PLA2G6: variants seen among roughly 807,000 people sequenced by gnomAD.
PLA2G6 encodes the protein phospholipase A2 group VI.
Under a neutral mutation model 83.8 loss-of-function variants are expected in PLA2G6, and 62 were observed. The observed-to-expected ratio is 0.74, with a 90% CI of 0.60 to 0.91. PLA2G6 has a LOEUF of 0.91. PLA2G6 is among the 40% of genes least tolerant of loss of function. The pLI is 0.00. For missense variants in PLA2G6, 944 were observed against 1,102.0 expected, an observed-to-expected ratio of 0.86 and a Z score of 2.03; for synonymous variants, 417 against 449.8, an observed-to-expected ratio of 0.93 and a Z score of 0.92.
chr22:38,115,613 A>C lies in PLA2G6; in HGVS notation c.1948T>G (p.Phe650Val). ...APTYFRPNGR[F>V]LDGGLLANNP... Reference sequence around the variant, plus strand: ...TTGGCCAGCAGCCCACCGTCCAGGAAGCGCCCATTGGGTCGGAAGTAAGTA... The same window carrying C: ...TTGGCCAGCAGCCCACCGTCCAGGACGCGCCCATTGGGTCGGAAGTAAGTA... Residue 650 changes from phenylalanine (F) to valine (V), a missense_variant, in exon 14 of 17, where the codon TTC (phenylalanine) becomes GTC (valine). Physicochemically the swap from Phe to Val is conservative, Grantham distance 50. Coordinates refer to ENST00000332509, the MANE Select transcript of PLA2G6 (RefSeq NM_003560.4). The C allele has an allele frequency of 6.2e-7, 1 of 1,611,792 alleles. No homozygotes were observed. Among genetic ancestry groups the C allele is most frequent in the Non-Finnish European group, 8.5e-7 (1 of 1,179,416 alleles).
At position 38,120,709 on chromosome 22, in the gene PLA2G6, A is replaced by G. The variant is rs932228283; in HGVS notation, c.1742+50T>C. The G allele has an allele frequency of 8.1e-6, 13 of 1,606,854 alleles. No homozygotes were observed. In the African/African-American group the frequency reaches 1.5e-4, roughly 18 times the overall value. On this transcript the variant is annotated intron_variant, in intron 12 of 16. Coordinates refer to ENST00000332509, the MANE Select transcript of PLA2G6 (RefSeq NM_003560.4). ...AGGGAGCCCTCTGTCCCCAGGGAAC[A>G]GCCACAGTGGGCACAGCTGCGGCCA...
Position 38,113,558 on chromosome 22 carries a change from GACGGAAGACATCCACAC to G in PLA2G6, c.2114_2130del (p.Cys705SerfsTer62). The G allele has an allele frequency of 6.2e-7, 1 of 1,614,032 alleles. No homozygotes were observed. Among genetic ancestry groups the G allele is most frequent in the Non-Finnish European group, 8.5e-7 (1 of 1,180,002 alleles). On this transcript the variant is annotated frameshift_variant, in exon 15 of 17. Coordinates refer to ENST00000332509, the MANE Select transcript of PLA2G6 (RefSeq NM_003560.4). LOFTEE classifies it high-confidence loss of function. ...TTGGCCAGCTCCCAGGGGTTGCTGG[GACGGAAGACATCCACAC>G]AGGTCACAGGCACTTGTGGGGACCT...
intron 9 of PLA2G6, chr22:38,127,194 C>A (rs1237302746): frequency 5.9e-6 from 7 of 1,185,860 alleles, no homozygotes; most frequent in Non-Finnish European, 7.5e-6. Context: ...AAAGCAGAAC[C>A]GAGGGCTGCG....
intron 2 of PLA2G6, 133 bp from the exon 3 acceptor site, chr22:38,145,786 C>A (rs1156523577): frequency 3.9e-4 from 63 of 159,920 alleles, no homozygotes; most frequent in Non-Finnish European, 6.4e-4. Flanking sequence ...CCCAAGCAAA[C>A]ACACACACAC....
chr22:38,170,152 C>T (rs1347707961), intron 1 of PLA2G6, among the ~76,000 whole-genome samples: 2 of 149,252 alleles, frequency 1.3e-5, no homozygotes, highest in Admixed American at 6.7e-5. Context: ...GAGCTGAGAT[C>T]GCGCCACTGC....
Position 38,132,958 on chromosome 22 carries a change from C to T in PLA2G6, c.950G>A (p.Gly317Glu), listed in dbSNP as rs780116189. Residue 317 changes from glycine to glutamate, a missense_variant, in exon 7 of 17, where the codon GGG becomes GAG. Gly to Glu is a moderately conservative substitution (Grantham distance 98). Coordinates refer to ENST00000332509, the MANE Select transcript of PLA2G6 (RefSeq NM_003560.4). This position sits in a 1 kb window ranked among gnomAD's most constrained non-coding sequence, Gnocchi z 5.0. ...GCNVNSTSSA[G>E]NTALHVAVMR... ...CACCGCCACGTGCAGGGCCGTGTTC[C>T]CCGCGGAGCTGGTGCTGTTCACGTT... is the stretch of plus-strand genomic sequence containing the variant. The T allele has an allele frequency of 1.3e-6, 2 of 1,564,140 alleles. No individual in the cohort carries two copies. The highest frequency in any genetic ancestry group is 1.7e-6 in the Non-Finnish European group (2 of 1,154,826).
At chr22:38,159,186 C>A (rs6001029) in intron 2 of PLA2G6, among the ~76,000 whole-genome samples, 59,996 of 151,968 alleles carry the variant, frequency 0.39, 12,214 homozygotes, top group South Asian at 0.48. Flanking sequence ...GAAATAGAGA[C>A]AACACAAAGT....
intron 10 of PLA2G6, among the ~76,000 whole-genome samples, chr22:38,124,442 A>G (rs929883797): frequency 2.0e-5 from 3 of 151,840 alleles, no homozygotes; most frequent in Non-Finnish European, 4.4e-5. Flanking sequence ...GTCTCCCCAC[A>G]TCCTGCCTGT....
In PLA2G6 at chr22:38,111,620, G is replaced by A. The variant is rs45473603; in HGVS notation, c.*541C>T. The A allele has an allele frequency of 6.4e-4, 121 of 189,146 alleles. No homozygotes were observed. The highest frequency in any genetic ancestry group is 1.0e-3 in the Non-Finnish European group (92 of 89,004). The allele number at this position is 189,146 out of a possible 1,614,324, so 11.7% of individuals were successfully genotyped here. A position where few individuals can be genotyped will look rare whatever the true frequency, so the allele number is the denominator to read the frequency against. ...CGGGGTGGGGCAGTGTGAGGGGCTG[G>A]GCCAGTGTGAGGGGCAAAGTCCAAC... On this transcript the variant is annotated 3_prime_UTR_variant, in exon 17 of 17. Coordinates refer to ENST00000332509, the MANE Select transcript of PLA2G6 (RefSeq NM_003560.4).
intron 2 of PLA2G6, among the ~76,000 whole-genome samples, chr22:38,159,068 G>C (rs577492825): frequency 1.3e-5 from 2 of 152,098 alleles, no homozygotes; most frequent in African/African-American, 4.8e-5. Flanking sequence ...GTGTGGTGGT[G>C]GGCGCCTGTA....
At chr22:38,117,367 C>T (rs1228915603) in intron 12 of PLA2G6, among the ~76,000 whole-genome samples, 1 of 152,016 alleles carries the variant, frequency 6.6e-6, no homozygotes, top group African/African-American at 2.4e-5. Flanking sequence ...GCCACCACGC[C>T]CGGCTAATTT....
Position 38,120,839 on chromosome 22 carries a change from G to C in PLA2G6, c.1662C>G (p.Pro554=). ...ACTCCTCCAGGGGCCCCGACTCGTA[G>C]GGCCTGGAGCCCCGGAACACCTCAT... ...MKDEVFRGSR[P]YESGPLEEFL... Residue 554 remains proline, a synonymous_variant, in exon 12 of 17, where the codon CCC becomes CCG. Coordinates refer to ENST00000332509, the MANE Select transcript of PLA2G6 (RefSeq NM_003560.4). The C allele has an allele frequency of 1.9e-6, 3 of 1,613,918 alleles. No individual in the cohort carries two copies. Among genetic ancestry groups the C allele is most frequent in the Non-Finnish European group, 2.5e-6 (3 of 1,180,026 alleles).
rs192527769 is a variant in PLA2G6, at chr22:38,124,063, G to A, written c.1428-805C>T. On this transcript the variant is annotated intron_variant, in intron 10 of 16. Coordinates refer to ENST00000332509, the MANE Select transcript of PLA2G6 (RefSeq NM_003560.4). Reference sequence around the variant, plus strand: ...TTGGCCAGGCTGGTCTTGAACTCCCGACCTCATGTGATCCGCCTGTCTCGG... The same window carrying A: ...TTGGCCAGGCTGGTCTTGAACTCCCAACCTCATGTGATCCGCCTGTCTCGG... 2.4e-3 allele frequency among the ~76,000 whole-genome samples: 365 copies of A among 152,152 alleles called. 1 individual carries two copies. Among genetic ancestry groups the A allele is most frequent in the Non-Finnish European group, 4.1e-3 (278 of 67,992 alleles).
chr22:38,141,612 C>G (rs2088907526), intron 4 of PLA2G6: 1 of 152,218 alleles, frequency 6.6e-6, no homozygotes, highest in Admixed American at 6.5e-5. Flanking sequence ...CACTGAACCT[C>G]AGTTTCTTCG....
intron 6 of PLA2G6, 69 bp from the exon 7 acceptor site, chr22:38,133,082 C>T (rs956260615): frequency 7.0e-7 from 1 of 1,420,592 alleles, no homozygotes; most frequent in Non-Finnish European, 9.6e-7. Context: ...GACACGTGGG[C>T]ACTGCCACTT....
At chr22:38,114,132 G>A (rs77852459) in intron 14 of PLA2G6, among the ~76,000 whole-genome samples, 9,822 of 152,046 alleles carry the variant, frequency 0.065, 427 homozygotes, top group East Asian at 0.21. Flanking sequence ...CAGGGGCCAC[G>A]TGGTAGGGAA....
intron 2 of PLA2G6, among the ~76,000 whole-genome samples, 187 bp downstream of exon 2, chr22:38,169,031 G>A (rs984915852): frequency 6.6e-6 from 1 of 152,060 alleles, no homozygotes; most frequent in African/African-American, 2.4e-5. Flanking sequence ...GACACTGATG[G>A]GCCAGAAGTG....
intron 2 of PLA2G6, among the ~76,000 whole-genome samples, chr22:38,164,054 G>A (rs2090122866): frequency 6.6e-6 from 1 of 152,140 alleles, no homozygotes; most frequent in Non-Finnish European, 1.5e-5. Flanking sequence ...GTGAGAGGCT[G>A]GTTGATTTCA....
intron 12 of PLA2G6, among the ~76,000 whole-genome samples, chr22:38,119,206 G>C (rs1196618039): frequency 6.6e-6 from 1 of 152,144 alleles, no homozygotes; most frequent in Non-Finnish European, 1.5e-5. Context: ...TCACCACACA[G>C]CGGTAGTTTT....
Sources: gnomAD v4.1 joint callset for allele counts (sites outside exome capture counted in the v4.1 genomes callset) on GRCh38, gnomAD v4.1.1 for gene constraint, Gnocchi (gnomAD v3.1) non-coding constraint, MANE v1.5 for transcripts, NCBI Gene and HGNC (gene_info 2026-07-23, HGNC 2026-07-21) for gene names.